Variants in EHD4 observed in about 807,000 individuals in gnomAD.
EHD4 encodes EH domain containing 4.
In EHD4, 37 loss-of-function variants were observed where a neutral mutation model predicts 51.0. That is an observed-to-expected ratio of 0.73 (90% CI 0.56 to 0.95). The LOEUF is 0.95. Among genes scored for constraint, EHD4 ranks in the 40% least tolerant of loss-of-function variants. The probability of loss-of-function intolerance (pLI) is 0.00; values close to 1 mark genes in which losing one functional copy is unlikely to be tolerated. For missense variants in EHD4, 632 were observed against 733.1 expected (o/e 0.86, Z 1.59); for synonymous variants, 297 against 317.3 (o/e 0.94, Z 0.68).
At chr15:41,948,006 C>T (rs144858147) in intron 2 of EHD4, among the ~76,000 whole-genome samples, 1,239 of 122,706 alleles carry the variant, frequency 0.01, 23 homozygotes, top group African/African-American at 0.031. Flanking sequence ...CCTGTAATCC[C>T]AGCACTTTGG....
At chr15:41,934,354 T>C (rs559991597) in intron 3 of EHD4, among the ~76,000 whole-genome samples, 1 of 151,510 alleles carries the variant, frequency 6.6e-6, no homozygotes, top group African/African-American at 2.4e-5. Context: ...TTTTGCTCTG[T>C]TACCCAGGCT....
intron 4 of EHD4, among the ~76,000 whole-genome samples, chr15:41,917,914 A>G (rs2067595869): frequency 6.6e-6 from 1 of 152,218 alleles, no homozygotes; most frequent in Admixed American, 6.5e-5. Flanking sequence ...GGAGGAATGC[A>G]TGCACACGCA....
At chr15:41,912,296 T>C (rs2067555413) in intron 4 of EHD4, among the ~76,000 whole-genome samples, 1 of 152,200 alleles carries the variant, frequency 6.6e-6, no homozygotes. Context: ...TTTGTGGAAG[T>C]CTCCTGTTAC....
intron 3 of EHD4, among the ~76,000 whole-genome samples, chr15:41,940,070 C>T (rs186014087): frequency 1.4e-4 from 21 of 152,278 alleles, no homozygotes; most frequent in Admixed American, 5.9e-4. Context: ...CCTCGTGCCT[C>T]GGCCTCCCAA....
At position 41,972,469 on chromosome 15, in the gene EHD4, G is replaced by T. The variant is rs996538069; in HGVS notation, c.26C>A (p.Ala9Glu). The change falls in exon 1 of 6, where the codon GCG becomes GAG. Residue 9 changes from alanine to glutamate, a missense_variant. Transcript: ENST00000220325. ...GCCGCCAGCGCGTTCGCGCCCGCCCGCCTGCCGCCCCATCCAGCTGAACAT... is the reference window on the plus strand; with the variant it reads ...GCCGCCAGCGCGTTCGCGCCCGCCCTCCTGCCGCCCCATCCAGCTGAACAT... MFSWMGRQ[A>E]GGRERAGGAD... is the part of the protein sequence containing the mutation. 3.9e-6 allele frequency: 6 copies of T among 1,544,842 alleles called. No individual in the cohort carries two copies. The African/African-American group carries it at 8.5e-5, about 22-fold the overall frequency.
intron 3 of EHD4, among the ~76,000 whole-genome samples, chr15:41,927,005 T>C (rs1345474797): frequency 3.9e-5 from 6 of 152,196 alleles, no homozygotes; most frequent in Non-Finnish European, 8.8e-5. Context: ...AAGTCTTCAC[T>C]GTGTCTGTAA....
In EHD4 at chr15:41,896,986, C is replaced by T. The variant is rs78192672; in HGVS notation, c.*3659G>A. 7,465 of 152,248 alleles carry T rather than the reference C, an allele frequency of 0.049. 276 individuals carry two copies. Among genetic ancestry groups the T allele is most frequent in the Non-Finnish European group, 0.064 (4,325 of 68,018 alleles). The allele number at this position is 152,248 out of a possible 1,614,324, so 9.4% of individuals were successfully genotyped here. On this transcript the variant is annotated 3_prime_UTR_variant, in exon 6 of 6. Coordinates refer to ENST00000220325, the MANE Select transcript of EHD4 (RefSeq NM_139265.4). ...CACACTCTGCTCCGAGAGGCCAGCACGCAGCCACTGGAAAATGAGCCAGTG... is the reference window on the plus strand; with the variant it reads ...CACACTCTGCTCCGAGAGGCCAGCATGCAGCCACTGGAAAATGAGCCAGTG...
At chr15:41,914,997 T>C (rs1205186365) in intron 4 of EHD4, among the ~76,000 whole-genome samples, 1 of 151,856 alleles carries the variant, frequency 6.6e-6, no homozygotes, top group East Asian at 1.9e-4. Context: ...TTTGTAATTT[T>C]TGTATCCAGC....
At chr15:41,913,161 C>A (rs947971722) in intron 4 of EHD4, among the ~76,000 whole-genome samples, 2 of 152,126 alleles carry the variant, frequency 1.3e-5, no homozygotes, top group Non-Finnish European at 2.9e-5. Flanking sequence ...GTGAAGACTG[C>A]GAGCTGCTGG....
chr15:41,939,792 C>CAAAAAA (rs537857115), intron 3 of EHD4, among the ~76,000 whole-genome samples: 4 of 80,248 alleles, frequency 5.0e-5, no homozygotes, highest in African/African-American at 9.8e-5. Flanking sequence ...GACTCCGTCT[C>CAAAAAA]AAAAAAAAAA....
intron 3 of EHD4, among the ~76,000 whole-genome samples, chr15:41,930,228 C>A (rs1180916120): frequency 6.7e-6 from 1 of 149,800 alleles, no homozygotes; most frequent in Admixed American, 6.5e-5. Context: ...TTAGGATGAA[C>A]AGATCCAGGA....
At chr15:41,902,671 G>A (rs1199463731) in intron 5 of EHD4, among the ~76,000 whole-genome samples, 2 of 151,958 alleles carry the variant, frequency 1.3e-5, no homozygotes, top group Non-Finnish European at 2.9e-5. Flanking sequence ...CACTTTGGGA[G>A]GTCAAGGTGG....
At chr15:41,962,319 G>C (rs897268152) in intron 1 of EHD4, among the ~76,000 whole-genome samples, 7 of 152,088 alleles carry the variant, frequency 4.6e-5, no homozygotes, top group Non-Finnish European at 1.0e-4. Flanking sequence ...AAAATAAAGA[G>C]TAATGCACGC....
At chr15:41,918,236 ACACACACG>A (rs200560758) in intron 4 of EHD4, among the ~76,000 whole-genome samples, 7,434 of 151,294 alleles carry the variant, frequency 0.049, 266 homozygotes, top group Non-Finnish European at 0.063. Context: ...ACACACACAC[ACACACACG>A]CGCATGTTTA....
chr15:41,946,582 C>T (rs1387318770), intron 2 of EHD4, among the ~76,000 whole-genome samples: 12 of 152,100 alleles, frequency 7.9e-5, no homozygotes, highest in African/African-American at 1.4e-4. Flanking sequence ...TAAAATTAGC[C>T]GGGCATGGTG....
chr15:41,898,634 T>C lies in EHD4; in HGVS notation c.*2011A>G, dbSNP rs1383856013. ...GTGGGTAGATCACGAGGTCAGGAGA[T>C]CGAGACCATATTGACCAACATGGTA... On this transcript the variant is annotated 3_prime_UTR_variant, in exon 6 of 6. Transcript: ENST00000220325. The C allele has an allele frequency of 6.6e-6, 1 of 152,000 alleles. No individual in the cohort carries two copies. Among genetic ancestry groups the C allele is most frequent in the Non-Finnish European group, 1.5e-5 (1 of 68,008 alleles). 9.4% of individuals were successfully genotyped at this position (152,000 alleles called of 1,614,324 possible). A position where few individuals can be genotyped will look rare whatever the true frequency, so the allele number is the denominator to read the frequency against.
Position 41,898,648 on chromosome 15 carries a change from A to C in EHD4, c.*1997T>G, listed in dbSNP as rs1473361992. On this transcript the variant is annotated 3_prime_UTR_variant, in exon 6 of 6. Transcript: ENST00000220325. ...AGGTCAGGAGATCGAGACCATATTG[A>C]CCAACATGGTAAAACCCCATCTCTA... 1 of 152,036 alleles carries C rather than the reference A, an allele frequency of 6.6e-6. No individual in the cohort carries two copies. The highest frequency in any genetic ancestry group is 1.5e-5 in the Non-Finnish European group (1 of 68,020). 9.4% of individuals were successfully genotyped at this position (152,036 alleles called of 1,614,324 possible). A position where few individuals can be genotyped will look rare whatever the true frequency, so the allele number is the denominator to read the frequency against.
At chr15:41,959,447 C>T (rs1002700640) in intron 1 of EHD4, among the ~76,000 whole-genome samples, 8 of 137,812 alleles carry the variant, frequency 5.8e-5, no homozygotes, top group Admixed American at 1.5e-4. Context: ...TGATGATAAA[C>T]GAGATCTTAA....
chr15:41,961,611 T>G (rs1172742662), intron 1 of EHD4, among the ~76,000 whole-genome samples: 1 of 152,214 alleles, frequency 6.6e-6, no homozygotes, highest in Non-Finnish European at 1.5e-5. Context: ...AGGAAAAGGC[T>G]AAAAGGCATC....
Sources: allele counts gnomAD v4.1 joint callset (sites outside exome capture counted in the v4.1 genomes callset), GRCh38; gene constraint gnomAD v4.1.1; transcripts MANE v1.5; gene names NCBI Gene and HGNC (gene_info 2026-07-23, HGNC 2026-07-21).